The following DCDC1 variants were observed in gnomAD, a reference collection of about 807,000 sequenced individuals.
The protein encoded by DCDC1 is doublecortin domain containing 1, also known as doublecortin domain-containing protein 1.
In DCDC1, 200 loss-of-function variants were observed where a neutral mutation model predicts 178.3. The ratio of observed to expected loss-of-function variants is 1.12; its 90% CI spans 1.00 to 1.26. DCDC1 has a LOEUF of 1.26. DCDC1 is among the 50% of genes most tolerant of loss of function. The pLI is 0.00. For synonymous variants in DCDC1, 690 were observed against 604.8 expected (o/e 1.14, Z -2.07); for missense variants, 1,983 against 1,749.2 (o/e 1.13, Z -2.38).
intron 20 of DCDC1, among the ~76,000 whole-genome samples, chr11:31,010,095 G>A (rs1952084859): frequency 6.6e-6 from 1 of 152,138 alleles, no homozygotes; most frequent in African/African-American, 2.4e-5. Flanking sequence ...TATCATGACG[G>A]CACTCTGCTT....
At chr11:30,957,466 G>C (rs1948834757) in intron 20 of DCDC1, among the ~76,000 whole-genome samples, 2 of 152,040 alleles carry the variant, frequency 1.3e-5, no homozygotes, top group South Asian at 4.1e-4. Flanking sequence ...AAACATACCT[G>C]AACTAACAGA....
intron 20 of DCDC1, among the ~76,000 whole-genome samples, chr11:31,033,814 T>C (rs1953835008): frequency 6.6e-6 from 1 of 152,126 alleles, no homozygotes; most frequent in Admixed American, 6.5e-5. Flanking sequence ...TGTGTGTGTT[T>C]ATGTCTTAGT....
At chr11:31,340,017 G>C (rs1239890823) in intron 1 of DCDC1, among the ~76,000 whole-genome samples, 1 of 151,770 alleles carries the variant, frequency 6.6e-6, no homozygotes, top group Non-Finnish European at 1.5e-5. Context: ...AAAAGTCTCT[G>C]TTTTTATCTT....
At chr11:30,972,995 G>A (rs1236672086) in intron 20 of DCDC1, among the ~76,000 whole-genome samples, 1 of 152,084 alleles carries the variant, frequency 6.6e-6, no homozygotes, top group Non-Finnish European at 1.5e-5. Flanking sequence ...GCACCGGCCA[G>A]GCGTGGTGGC....
intron 18 of DCDC1, among the ~76,000 whole-genome samples, chr11:31,071,913 G>A (rs1956590127): frequency 1.3e-5 from 2 of 152,200 alleles, no homozygotes; most frequent in South Asian, 4.1e-4. Context: ...TGCAACCTGA[G>A]TTAGTCTCAC....
intron 3 of DCDC1, among the ~76,000 whole-genome samples, chr11:31,324,527 G>A (rs1237221694): frequency 3.3e-5 from 5 of 151,924 alleles, no homozygotes; most frequent in Admixed American, 2.0e-4. Flanking sequence ...AAGGCTTGAA[G>A]GAAAAAATCT....
At chr11:31,231,254 C>G (rs1213515560) in intron 9 of DCDC1, among the ~76,000 whole-genome samples, 1 of 152,140 alleles carries the variant, frequency 6.6e-6, no homozygotes, top group Non-Finnish European at 1.5e-5. Flanking sequence ...AGCTTACATC[C>G]TTCCTTTTTC....
At chr11:31,252,819 T>C (rs1944141983) in intron 8 of DCDC1, among the ~76,000 whole-genome samples, 1 of 152,096 alleles carries the variant, frequency 6.6e-6, no homozygotes, top group East Asian at 1.9e-4. Flanking sequence ...ATAAAACAGA[T>C]TTTTTAGAGA....
At chr11:31,337,556 T>C (rs1041573597) in intron 1 of DCDC1, among the ~76,000 whole-genome samples, 1 of 152,080 alleles carries the variant, frequency 6.6e-6, no homozygotes, top group African/African-American at 2.4e-5. Context: ...TCCTAGCTAC[T>C]TGGGAGGCTG....
intron 36 of DCDC1, among the ~76,000 whole-genome samples, chr11:30,890,995 G>A (rs760803762): frequency 1.3e-5 from 2 of 152,054 alleles, no homozygotes; most frequent in African/African-American, 2.4e-5. Context: ...ATATCCTTGG[G>A]ATCAAGTTCT....
At chr11:31,251,660 A>G (rs1944045228) in intron 8 of DCDC1, among the ~76,000 whole-genome samples, 1 of 152,112 alleles carries the variant, frequency 6.6e-6, no homozygotes, top group Admixed American at 6.6e-5. Flanking sequence ...TTCTGTTTCT[A>G]TGGATAACCC....
chr11:30,872,560 T>C lies in DCDC1; in HGVS notation c.*40+5984A>G, dbSNP rs78104987. ...CATGTGGCTCCTGTGATCTTTCTGT[T>C]GGACAGTGGCTACTTTGGACCTTCC... On this transcript the variant is annotated intron_variant, in intron 38 of 38. Transcript: ENST00000684477. Among the ~76,000 whole-genome samples the C allele has an allele frequency of 3.5e-3, 535 of 152,320 alleles. 2 individuals are homozygous for C. Among genetic ancestry groups the C allele is most frequent in the African/African-American group, 0.012 (512 of 41,570 alleles).
intron 8 of DCDC1, among the ~76,000 whole-genome samples, chr11:31,242,393 C>A (rs184450924): frequency 6.6e-6 from 1 of 151,850 alleles, no homozygotes; most frequent in African/African-American, 2.4e-5. Context: ...AATAACATGG[C>A]AGCTAGCTAA....
In DCDC1 at chr11:31,064,569, T is replaced by C. The variant is rs769562644; in HGVS notation, c.2491A>G (p.Thr831Ala). The C allele has an allele frequency of 6.5e-6, 5 of 765,992 alleles. No individual in the cohort carries two copies. The South Asian group carries it at 6.7e-5, about 10-fold the overall frequency. 47.4% of individuals were successfully genotyped at this position (765,992 alleles called of 1,614,324 possible). A position where few individuals can be genotyped will look rare whatever the true frequency, so the allele number is the denominator to read the frequency against. The stretch of plus-strand genomic sequence containing the variant: ...AGAGAACCTTCTGGCATTAAATGGG[T>C]GTCTGAGGGTTCTGGCAGTTGCTTC... ...GLKQLPEPSD[T>A]HLMPEGSLEE... Residue 831 changes from threonine (T) to alanine (A), a missense_variant, in exon 20 of 39, where the codon ACC (threonine) becomes GCC (alanine). By Grantham distance (58) the Thr-to-Ala change is moderately conservative. Transcript: ENST00000684477.
intron 20 of DCDC1, among the ~76,000 whole-genome samples, chr11:30,972,370 T>C (rs1209984260): frequency 6.6e-6 from 1 of 152,088 alleles, no homozygotes; most frequent in Non-Finnish European, 1.5e-5. Flanking sequence ...TCCAGAAAAG[T>C]TACCCTTCAT....
intron 11 of DCDC1, among the ~76,000 whole-genome samples, chr11:31,119,999 TC>T (rs1960560779): frequency 6.6e-6 from 1 of 152,168 alleles, no homozygotes; most frequent in Non-Finnish European, 1.5e-5. Flanking sequence ...TTCCCACAGT[TC>T]CTAGCACAAT....
intron 9 of DCDC1, among the ~76,000 whole-genome samples, chr11:31,191,224 T>C (rs1970092947): frequency 6.6e-6 from 1 of 152,138 alleles, no homozygotes; most frequent in South Asian, 2.1e-4. Flanking sequence ...TAACAATTTT[T>C]GATCCATGGT....
chr11:31,225,073 C>T (rs1974750252), intron 9 of DCDC1, among the ~76,000 whole-genome samples: 2 of 152,216 alleles, frequency 1.3e-5, no homozygotes, highest in South Asian at 4.1e-4. Flanking sequence ...ATGCTTATAG[C>T]AGCACAAGTC....
rs183766265 is a variant in DCDC1 at position 31,037,880 on chromosome 11, T to C, written c.2591+26589A>G. ...GGAGATTCAAGCAAGCATAGTCTTTTATTTAGTGTTTTTTAGAAAAACAGA... is the reference window on the plus strand; with the variant it reads ...GGAGATTCAAGCAAGCATAGTCTTTCATTTAGTGTTTTTTAGAAAAACAGA... On this transcript the variant is annotated intron_variant, in intron 20 of 38. Coordinates refer to ENST00000684477, the MANE Select transcript of DCDC1 (RefSeq NM_001387274.1). Among the ~76,000 whole-genome samples the C allele has an allele frequency of 4.5e-3, 692 of 152,208 alleles. 7 individuals are homozygous for C. Among genetic ancestry groups the C allele is most frequent in the African/African-American group, 0.016 (665 of 41,540 alleles).
Sources: allele counts gnomAD v4.1 joint callset (sites outside exome capture counted in the v4.1 genomes callset), GRCh38; gene constraint gnomAD v4.1.1; transcripts MANE v1.5; gene names NCBI Gene and HGNC (gene_info 2026-07-23, HGNC 2026-07-21).